The following DAPK1 variants were observed in gnomAD, a reference collection of about 807,000 sequenced individuals.
DAPK1 encodes the protein death associated protein kinase 1.
DAPK1 carries 56 observed loss-of-function variants against 144.9 expected under a neutral mutation model. The observed-to-expected ratio is 0.39, with a 90% CI of 0.31 to 0.48. DAPK1 has a LOEUF of 0.48. Ranked by LOEUF, DAPK1 falls within the 20% of genes least tolerant of loss-of-function variation. The pLI is 0.95. For missense variants in DAPK1, 1,454 were observed against 1,875.4 expected (o/e 0.78, Z 4.15); for synonymous variants, 690 against 749.0 (o/e 0.92, Z 1.29).
chr9:87,600,054 A>G (rs1301795863), intron 2 of DAPK1, among the ~76,000 whole-genome samples: 1 of 152,196 alleles, frequency 6.6e-6, no homozygotes, highest in East Asian at 1.9e-4. Context: ...CCACAGTACT[A>G]TACTTGGGGG....
intron 2 of DAPK1, among the ~76,000 whole-genome samples, chr9:87,501,588 A>C (rs1824402875): frequency 6.6e-6 from 1 of 152,230 alleles, no homozygotes; most frequent in African/African-American, 2.4e-5. Context: ...ATATATCTTT[A>C]GCAGTCATCT....
chr9:87,540,916 C>T (rs1428621535), intron 2 of DAPK1, among the ~76,000 whole-genome samples: 1 of 152,156 alleles, frequency 6.6e-6, no homozygotes, highest in Non-Finnish European at 1.5e-5. Context: ...TTCATCTGGA[C>T]TGTGACATAC....
chr9:87,632,743 T>C (rs1829743905), intron 3 of DAPK1: 1 of 980,786 alleles, frequency 1.0e-6, no homozygotes. Context: ...TGAGTATATA[T>C]GTAGGGAAGA....
At chr9:87,681,895 C>T (rs77771270) in intron 20 of DAPK1, 7,432 of 530,074 alleles carry the variant, frequency 0.014, 362 homozygotes, top group East Asian at 0.13. Context: ...CATAAATGTG[C>T]AAACTGCAGA....
chr9:87,559,958 C>T (rs931373640), intron 2 of DAPK1, among the ~76,000 whole-genome samples: 1 of 150,434 alleles, frequency 6.6e-6, no homozygotes, highest in African/African-American at 2.4e-5. Flanking sequence ...GAAGTCTCCT[C>T]TCTCCTCTTC....
At chr9:87,551,803 G>A (rs36232286) in intron 2 of DAPK1, among the ~76,000 whole-genome samples, 3,726 of 152,252 alleles carry the variant, frequency 0.024, 139 homozygotes, top group African/African-American at 0.082. Context: ...GAGAGTCACC[G>A]TAGAGCCCAG....
chr9:87,545,340 T>A (rs1022469872), intron 2 of DAPK1, among the ~76,000 whole-genome samples: 1 of 152,154 alleles, frequency 6.6e-6, no homozygotes, highest in African/African-American at 2.4e-5. Flanking sequence ...TTACTTGGGA[T>A]GAAGAGATCG....
intron 25 of DAPK1, among the ~76,000 whole-genome samples, chr9:87,703,741 T>C (rs1183615812): frequency 6.6e-6 from 1 of 152,162 alleles, no homozygotes; most frequent in East Asian, 1.9e-4. Context: ...ATTAAAAAAC[T>C]CTAGCAAGCA....
intron 2 of DAPK1, chr9:87,525,560 A>G (rs1825476320): frequency 1.1e-6 from 1 of 924,582 alleles, no homozygotes; most frequent in African/African-American, 1.6e-5. Flanking sequence ...AACATTTGAA[A>G]AAACAACAAC....
In DAPK1 at chr9:87,697,022, G is replaced by A; in HGVS notation, c.2429G>A (p.Ser810Asn). 1 of 1,576,292 alleles carries A rather than the reference G, an allele frequency of 6.3e-7. No homozygotes were observed. Among genetic ancestry groups the A allele is most frequent in the Non-Finnish European group, 8.7e-7 (1 of 1,145,314 alleles). Residue 810 changes from serine (S) to asparagine (N), a missense_variant, in exon 22 of 26, where the codon AGC becomes AAC. Physicochemically the swap from Ser to Asn is conservative, Grantham distance 46. Coordinates refer to ENST00000408954, the MANE Select transcript of DAPK1 (RefSeq NM_004938.4). ...TTTTCTGTAGGAGTTGGCGATTTCA[G>A]CGTGTGGGAGTTCTCTGGAAATCCT... The part of the protein sequence containing the change: ...NAYLNGVGDF[S>N]VWEFSGNPVY...
At position 87,651,551 on chromosome 9, in the gene DAPK1, G is replaced by A. The variant is rs761986454; in HGVS notation, c.1651G>A (p.Ala551Thr). Reference sequence around the variant, plus strand: ...GGACGGACACATTGCCCTTCATCTGGCTGTAAGACGGTGTCAGATGGAGGT... The same window carrying A: ...GGACGGACACATTGCCCTTCATCTGACTGTAAGACGGTGTCAGATGGAGGT... Reference protein sequence around the residue: ...DKDGHIALHLAVRRCQMEVIK... With the variant: ...DKDGHIALHLTVRRCQMEVIK... The change falls in exon 17 of 26, where the codon GCT (alanine) becomes ACT (threonine). Residue 551 changes from alanine (A) to threonine (T), a missense_variant. Physicochemically the swap from Ala to Thr is moderately conservative, Grantham distance 58 (BLOSUM62 0). Around this residue, in one of 2 missense-constraint regions of DAPK1, gnomAD observed 1,025 missense variants for 1,237.9 expected, o/e 0.83. Coordinates refer to ENST00000408954, the MANE Select transcript of DAPK1 (RefSeq NM_004938.4). The A allele has an allele frequency of 3.1e-6, 5 of 1,614,160 alleles. No homozygotes were observed. The highest frequency in any genetic ancestry group is 4.2e-6 in the Non-Finnish European group (5 of 1,180,016).
chr9:87,532,919 G>A (rs1426066427), intron 2 of DAPK1, among the ~76,000 whole-genome samples: 1 of 152,076 alleles, frequency 6.6e-6, no homozygotes, highest in Non-Finnish European at 1.5e-5. Context: ...CAGTTTTTAT[G>A]TATTTCAGAA....
intron 2 of DAPK1, among the ~76,000 whole-genome samples, chr9:87,575,047 A>G (rs1414237244): frequency 2.0e-5 from 3 of 151,234 alleles, no homozygotes; most frequent in Admixed American, 6.6e-5. Context: ...GTGAAACCCC[A>G]TCTCTACTAA....
At chr9:87,565,284 A>G (rs997297542) in intron 2 of DAPK1, among the ~76,000 whole-genome samples, 4 of 152,208 alleles carry the variant, frequency 2.6e-5, no homozygotes, top group African/African-American at 9.6e-5. Context: ...CAGGGAGACA[A>G]GTTTGCCTCT....
At chr9:87,705,240 AT>A (rs200565337) in intron 25 of DAPK1, among the ~76,000 whole-genome samples, 9,159 of 128,548 alleles carry the variant, frequency 0.071, 286 homozygotes, top group African/African-American at 0.14. Context: ...TAATTAATTA[AT>A]TTTTTTTTTT....
intron 25 of DAPK1, among the ~76,000 whole-genome samples, chr9:87,703,882 G>A (rs1030383823): frequency 7.9e-5 from 12 of 152,194 alleles, no homozygotes; most frequent in African/African-American, 2.2e-4. Context: ...CAGTGCCTTC[G>A]TGTTTCTCCA....
Position 87,703,427 on chromosome 9 carries a change from G to A in DAPK1, c.3060+210G>A, listed in dbSNP as rs10217228. 1.1e-3 allele frequency among the ~76,000 whole-genome samples: 167 copies of A among 152,164 alleles called. 1 individual carries two copies. The highest frequency in any genetic ancestry group is 3.8e-3 in the African/African-American group (159 of 41,418). ...GGCTCACCTTAGGAGCTGTCATTTT[G>A]TCTTGTCGTGTTTTGCTTTTATTTC... On this transcript the variant is annotated intron_variant, in intron 25 of 25. Transcript: ENST00000408954.
chr9:87,576,198 G>A lies in DAPK1; in HGVS notation c.63-28756G>A, dbSNP rs150456631. Among the ~76,000 whole-genome samples the A allele has an allele frequency of 3.8e-3, 586 of 152,276 alleles. 3 individuals carry two copies. Among genetic ancestry groups the A allele is most frequent in the Middle Eastern group, 0.027 (8 of 294 alleles). ...CGCATGCACACACATGCGTACACAC[G>A]TACACACACACGGGTCAGAGTTAAT... On this transcript the variant is annotated intron_variant, in intron 2 of 25. Transcript: ENST00000408954.
At chr9:87,569,314 G>A (rs927013050) in intron 2 of DAPK1, among the ~76,000 whole-genome samples, 2 of 152,210 alleles carry the variant, frequency 1.3e-5, no homozygotes, top group South Asian at 4.1e-4. Context: ...TTAAAATGCA[G>A]GTTGCTGGGC....
Sources: allele counts gnomAD v4.1 joint callset (sites outside exome capture counted in the v4.1 genomes callset), GRCh38; gene constraint gnomAD v4.1.1; regional missense constraint gnomAD v4.1.1; transcripts MANE v1.5; gene names NCBI Gene and HGNC (gene_info 2026-07-23, HGNC 2026-07-21).